The following TP53I13 variants were observed in gnomAD, a reference collection of about 807,000 sequenced individuals.
TP53I13 encodes the protein tumor protein p53-inducible protein 13.
In TP53I13, 27 loss-of-function variants were observed where a neutral mutation model predicts 39.1. The ratio of observed to expected loss-of-function variants is 0.69; its 90% CI spans 0.51 to 0.95. TP53I13 has a LOEUF of 0.95. TP53I13 is among the 40% of genes least tolerant of loss of function. The pLI, the probability that TP53I13 is intolerant of heterozygous loss-of-function variation, is 0.00. For synonymous variants in TP53I13, 230 were observed against 224.6 expected (o/e 1.02, Z -0.22); for missense variants, 544 against 520.4 (o/e 1.05, Z -0.44).
chr17:29,566,872 G>C (rs948048225), upstream of TP53I13: 1 of 1,503,642 alleles, frequency 6.7e-7, no homozygotes, highest in East Asian at 2.7e-5. Flanking sequence ...CTCTCCGACG[G>C]CGCGCCCCCA....
rs2032836591 is a variant in TP53I13, at chr17:29,569,317, G to T, written c.142-1G>T. 5 of 1,613,672 alleles carry T rather than the reference G, an allele frequency of 3.1e-6. No homozygotes were observed. The South Asian group carries it at 5.5e-5, about 18-fold the overall frequency. On this transcript the variant is annotated splice_acceptor_variant, in intron 2 of 6. Coordinates refer to ENST00000301057, the MANE Select transcript of TP53I13 (RefSeq NM_138349.4). LOFTEE classifies it high-confidence loss of function. Reference sequence around the variant, plus strand: ...AAGCTCTGTTCTTTCCCCATGTATAGGTGTCACCAAGAGTGACCTACACAC... The same window carrying T: ...AAGCTCTGTTCTTTCCCCATGTATATGTGTCACCAAGAGTGACCTACACAC...
At chr17:29,567,991 T>G (rs2032767281), upstream of TP53I13, 1 of 151,958 alleles carries the variant, frequency 6.6e-6, no homozygotes, top group African/African-American at 2.4e-5. The surrounding 1 kb of genome is among the most constrained non-coding windows in gnomAD (Gnocchi z 6.6). Flanking sequence ...GTGAGGCCTG[T>G]GGCGTCCCCA....
the TP53I13 span, among the ~76,000 whole-genome samples, chr17:29,579,977 C>G: frequency 4.5e-4 from 68 of 152,262 alleles, no homozygotes; most frequent in Admixed American, 1.4e-3. Flanking sequence ...CGTCTCTATC[C>G]CAGTCTTGCT....
the TP53I13 span, chr17:29,581,574 G>A: frequency 1.7e-5 from 12 of 694,324 alleles, no homozygotes; most frequent in African/African-American, 7.0e-5. This position sits in a 1 kb window ranked among gnomAD's most constrained non-coding sequence, Gnocchi z 4.8. Context: ...TAGCCCCAGC[G>A]ATGCTATGGC....
downstream of TP53I13, chr17:29,575,850 G>A: frequency 6.2e-7 from 1 of 1,612,464 alleles, no homozygotes; most frequent in Non-Finnish European, 8.5e-7. This position sits in a 1 kb window ranked among gnomAD's most constrained non-coding sequence, Gnocchi z 5.5. Flanking sequence ...GACAGCAGCG[G>A]GGAGGAGGGA....
At chr17:29,567,263 GA>G (rs530616489), upstream of TP53I13, 509 of 160,626 alleles carry the variant, frequency 3.2e-3, 1 homozygote, top group African/African-American at 0.012. This position sits in a 1 kb window ranked among gnomAD's most constrained non-coding sequence, Gnocchi z 6.6. Context: ...AGGGAGTGGG[GA>G]GGGCACGAGC....
rs919246284 is a variant in TP53I13 at position 29,572,218 on chromosome 17, C to T, written c.590C>T (p.Pro197Leu). Residue 197 changes from proline to leucine, a missense_variant, in exon 6 of 7, where the codon CCC (proline) becomes CTC (leucine). By Grantham distance (98) the Pro-to-Leu change is moderately conservative. Transcript: ENST00000301057. ...TEVTSQGPRQPSSSGAKRRRL... is the reference protein window; with the variant it reads ...TEVTSQGPRQLSSSGAKRRRL... ...GTGACATCTCAAGGGCCCAGGCAGC[C>T]CTCTTCTAGTGGTGCCAAGAGGCGG... The T allele has an allele frequency of 6.2e-7, 1 of 1,612,142 alleles. No homozygotes were observed. Among genetic ancestry groups the T allele is most frequent in the Non-Finnish European group, 8.5e-7 (1 of 1,179,926 alleles).
downstream of TP53I13, chr17:29,575,153 A>G: frequency 6.3e-7 from 1 of 1,590,964 alleles, no homozygotes. The surrounding 1 kb of genome is among the most constrained non-coding windows in gnomAD (Gnocchi z 5.5). Context: ...CTGCGGGGAG[A>G]AGGGAGGCTA....
chr17:29,574,454 G>T, downstream of TP53I13: 1 of 550,000 alleles, frequency 1.8e-6, no homozygotes, highest in East Asian at 3.1e-5. Context: ...CTCACTAGGA[G>T]GGGGGAGATG....
chr17:29,569,341 A>G lies in TP53I13; in HGVS notation c.165A>G (p.Thr55=). ...AGGTGTCACCAAGAGTGACCTACAC[A>G]CGAGTGAGCCCAGGGCAGGTGAGTA... is the stretch of plus-strand genomic sequence containing the variant. The part of the protein sequence containing the change: ...PPQVSPRVTY[T]RVSPGQAEDV... Residue 55 remains threonine, a synonymous_variant, in exon 3 of 7, where the codon ACA becomes ACG. Coordinates refer to ENST00000301057, the MANE Select transcript of TP53I13 (RefSeq NM_138349.4). 3 of 1,613,872 alleles carry G rather than the reference A, an allele frequency of 1.9e-6. No individual in the cohort carries two copies. The highest frequency in any genetic ancestry group is 2.5e-6 in the Non-Finnish European group (3 of 1,179,906).
At chr17:29,576,498 C>T, downstream of TP53I13, 1 of 1,613,520 alleles carries the variant, frequency 6.2e-7, no homozygotes, top group African/African-American at 1.3e-5. Context: ...GGGGCTCCCC[C>T]TCCCACCGAG....
At chr17:29,574,956 C>A (rs759743937), downstream of TP53I13, 2 of 1,518,332 alleles carry the variant, frequency 1.3e-6, no homozygotes, top group Non-Finnish European at 1.8e-6. Flanking sequence ...GACTTTAAGC[C>A]ACCAGCTGAG....
At chr17:29,581,220 T>C in the TP53I13 span, 1 of 767,854 alleles carries the variant, frequency 1.3e-6, no homozygotes, top group East Asian at 2.5e-5. This position sits in a 1 kb window ranked among gnomAD's most constrained non-coding sequence, Gnocchi z 4.8. Context: ...GTGCCTCTAG[T>C]CTCTGGGGGG....
chr17:29,571,902 G>T lies in TP53I13; in HGVS notation c.358G>T (p.Val120Leu). 1 of 1,613,212 alleles carries T rather than the reference G, an allele frequency of 6.2e-7. No homozygotes were observed. Among genetic ancestry groups the T allele is most frequent in the Non-Finnish European group, 8.5e-7 (1 of 1,179,924 alleles). ...AWGLALEMAW[V>L]EPAWAAHWLM... ...GGGGCTGGCGCTGGAGATGGCCTGGGTAGAGCCAGCCTGGGCTGCCCACTG... is the reference window on the plus strand; with the variant it reads ...GGGGCTGGCGCTGGAGATGGCCTGGTTAGAGCCAGCCTGGGCTGCCCACTG... The change falls in exon 5 of 7, where the codon GTA (valine) becomes TTA (leucine). Residue 120 changes from valine to leucine, a missense_variant. Coordinates refer to ENST00000301057, the MANE Select transcript of TP53I13 (RefSeq NM_138349.4).
downstream of TP53I13, chr17:29,577,684 G>A: frequency 6.2e-7 from 1 of 1,612,992 alleles, no homozygotes; most frequent in Non-Finnish European, 8.5e-7. Flanking sequence ...TAACAGGCAG[G>A]AAGGGCACGG....
the TP53I13 span, chr17:29,581,048 G>A: frequency 1.8e-5 from 8 of 436,212 alleles, no homozygotes; most frequent in Admixed American, 3.4e-5. This position sits in a 1 kb window ranked among gnomAD's most constrained non-coding sequence, Gnocchi z 4.8. Context: ...CAAAGTGCTG[G>A]GATTACAGGC....
chr17:29,581,774 C>A, the TP53I13 span: 1 of 1,612,036 alleles, frequency 6.2e-7, no homozygotes, highest in Non-Finnish European at 8.5e-7. The surrounding 1 kb of genome is among the most constrained non-coding windows in gnomAD (Gnocchi z 4.8). Context: ...GAAGGCCAGC[C>A]GGTCAGTGAG....
chr17:29,576,977 C>T (rs768406239), downstream of TP53I13: 3 of 1,602,950 alleles, frequency 1.9e-6, no homozygotes, highest in Non-Finnish European at 2.5e-6. Flanking sequence ...TCTGGCTCCG[C>T]AGAGACAGCT....
At chr17:29,567,695 G>C, upstream of TP53I13, among the ~76,000 whole-genome samples, 1 of 152,128 alleles carries the variant, frequency 6.6e-6, no homozygotes, top group Non-Finnish European at 1.5e-5. The surrounding 1 kb of genome is among the most constrained non-coding windows in gnomAD (Gnocchi z 6.6). Context: ...TCCTCAGCCC[G>C]GGAGTGGCTT....
Sources: gnomAD v4.1 joint callset for allele counts (sites outside exome capture counted in the v4.1 genomes callset) on GRCh38, gnomAD v4.1.1 for gene constraint, Gnocchi (gnomAD v3.1) non-coding constraint, MANE v1.5 for transcripts, NCBI Gene and HGNC (gene_info 2026-07-23, HGNC 2026-07-21) for gene names.